Variants in LRCH1 observed in about 807,000 individuals in gnomAD.
LRCH1 encodes leucine-rich repeat and calponin homology domain-containing protein 1.
A neutral mutation model predicts 94.9 loss-of-function variants in LRCH1; 23 were observed. That is an observed-to-expected ratio of 0.24 (90% CI 0.17 to 0.34). The LOEUF is 0.34. Ranked by LOEUF, LRCH1 falls within the 10% of genes least tolerant of loss-of-function variation. The pLI is 1.00. For missense variants in LRCH1, 790 were observed against 945.9 expected, an observed-to-expected ratio of 0.84 and a Z score of 2.16; for synonymous variants, 364 against 354.9, an observed-to-expected ratio of 1.03 and a Z score of -0.29.
At chr13:46,699,074 T>C (rs1456253872) in intron 9 of LRCH1, among the ~76,000 whole-genome samples, 1 of 152,236 alleles carries the variant, frequency 6.6e-6, no homozygotes. Context: ...GTGACTGGCT[T>C]ATTGCACGTA....
chr13:46,683,913 A>G (rs1177222647), intron 4 of LRCH1, among the ~76,000 whole-genome samples: 1 of 152,072 alleles, frequency 6.6e-6, no homozygotes, highest in Non-Finnish European at 1.5e-5. Flanking sequence ...GGAGAACTCT[A>G]TTGACAAAAG....
chr13:46,639,444 ACTGT>A (rs1490729486), intron 1 of LRCH1, among the ~76,000 whole-genome samples: 3 of 152,148 alleles, frequency 2.0e-5, no homozygotes. Flanking sequence ...TATCACATAG[ACTGT>A]CTGTGGTCTG....
intron 4 of LRCH1, among the ~76,000 whole-genome samples, chr13:46,682,219 G>C (rs931601105): frequency 5.3e-5 from 8 of 151,972 alleles, no homozygotes; most frequent in African/African-American, 1.7e-4. Context: ...GTGCCAGCAG[G>C]GTTGGTTCCC....
intron 1 of LRCH1, among the ~76,000 whole-genome samples, chr13:46,635,514 A>C (rs1215834811): frequency 8.4e-6 from 1 of 119,262 alleles, no homozygotes; most frequent in Non-Finnish European, 1.6e-5. Flanking sequence ...TCTGGTGCCC[A>C]GGCCAGAGTG....
intron 14 of LRCH1, 46 bp from the exon 15 acceptor site, chr13:46,712,479 T>G (rs779136148): frequency 1.4e-6 from 2 of 1,410,566 alleles, no homozygotes; most frequent in East Asian, 2.3e-5. Flanking sequence ...GTTCTTCTGT[T>G]TTCCTTTTAT....
intron 2 of LRCH1, among the ~76,000 whole-genome samples, chr13:46,656,122 A>T (rs1316211091): frequency 6.6e-6 from 1 of 152,202 alleles, no homozygotes; most frequent in Middle Eastern, 3.2e-3. Context: ...GTATCCCCAC[A>T]TTCCTCTGGG....
chr13:46,742,411 T>G lies in LRCH1; in HGVS notation c.*563T>G. On this transcript the variant is annotated 3_prime_UTR_variant, in exon 20 of 20. Transcript: ENST00000389797. ...ACGTGTACACGTACTCACACTGCCT[T>G]GATGGCCATTCGATTGGATTCCTCC... 1.0e-6 allele frequency: 1 copy of G among 987,396 alleles called. No homozygotes were observed. The highest frequency in any genetic ancestry group is 1.7e-5 in the African/African-American group (1 of 57,366). 61.2% of individuals were successfully genotyped at this position (987,396 alleles called of 1,614,324 possible).
intron 1 of LRCH1, among the ~76,000 whole-genome samples, chr13:46,569,923 G>GC (rs932829623): frequency 6.6e-6 from 1 of 152,124 alleles, no homozygotes; most frequent in African/African-American, 2.4e-5. Flanking sequence ...CTTCTAGGAT[G>GC]CCCCAAATGC....
At chr13:46,734,580 G>A (rs1873277878) in intron 19 of LRCH1, among the ~76,000 whole-genome samples, 2 of 152,124 alleles carry the variant, frequency 1.3e-5, no homozygotes, top group South Asian at 2.1e-4. Flanking sequence ...GAGCCCAATA[G>A]GCAATTCAAT....
downstream of LRCH1, among the ~76,000 whole-genome samples, chr13:46,749,494 T>C (rs923176831): frequency 3.3e-5 from 5 of 152,316 alleles, no homozygotes; most frequent in Admixed American, 3.3e-4. Flanking sequence ...TTTTAAGTGT[T>C]CTTACCAAAA....
chr13:46,709,821 T>C (rs1034184237), intron 13 of LRCH1, among the ~76,000 whole-genome samples: 8 of 152,028 alleles, frequency 5.3e-5, no homozygotes, highest in African/African-American at 1.9e-4. Flanking sequence ...GGCAGATACA[T>C]CTCTATGATT....
chr13:46,747,422 A>G (rs1466046687), downstream of LRCH1, among the ~76,000 whole-genome samples: 2 of 152,216 alleles, frequency 1.3e-5, no homozygotes, highest in African/African-American at 4.8e-5. Context: ...ACTGCTCATC[A>G]GGCCCTGGGG....
At position 46,711,379 on chromosome 13, in the gene LRCH1, C is replaced by T. The variant is rs746995665; in HGVS notation, c.1528-412C>T. Among the ~76,000 whole-genome samples the T allele has an allele frequency of 4.6e-5, 7 of 152,052 alleles. No individual in the cohort carries two copies. In the East Asian group the frequency reaches 7.7e-4, roughly 17 times the overall value. On this transcript the variant is annotated intron_variant, in intron 13 of 19. Transcript: ENST00000389797. ...TTGCCCAGTTAATTTGGGGTCCAGA[C>T]GTGTATTTATTGAATGCTCCCAATG...
At chr13:46,650,690 A>T (rs1230223948) in intron 2 of LRCH1, among the ~76,000 whole-genome samples, 1 of 151,012 alleles carries the variant, frequency 6.6e-6, no homozygotes, top group Non-Finnish European at 1.5e-5. Flanking sequence ...AAGGAAGTGA[A>T]AAAGAGTTTG....
At chr13:46,560,700 A>G (rs1431736987) in intron 1 of LRCH1, among the ~76,000 whole-genome samples, 3 of 152,176 alleles carry the variant, frequency 2.0e-5, no homozygotes, top group Admixed American at 6.5e-5. Flanking sequence ...GAATTTTGCC[A>G]TGATATTTCA....
intron 1 of LRCH1, among the ~76,000 whole-genome samples, chr13:46,566,057 G>C (rs2050180417): frequency 6.6e-6 from 1 of 151,914 alleles, no homozygotes; most frequent in South Asian, 2.1e-4. Flanking sequence ...CCTCAGAGGA[G>C]GGCCTGGGGT....
In LRCH1 at chr13:46,744,130, A is replaced by G. The variant is rs1017991754; in HGVS notation, c.*2282A>G. ...TAAGCTTCTCTGTGGTTTTTCTCCA[A>G]GGTACCCGTGCACCAGCCCATATGC... On this transcript the variant is annotated 3_prime_UTR_variant, in exon 20 of 20. Transcript: ENST00000389797. 8 of 985,276 alleles carry G rather than the reference A, an allele frequency of 8.1e-6. No homozygotes were observed. Among genetic ancestry groups the G allele is most frequent in the Non-Finnish European group, 9.6e-6 (8 of 829,930 alleles). 61.0% of individuals were successfully genotyped at this position (985,276 alleles called of 1,614,324 possible).
Position 46,567,244 on chromosome 13 carries a change from C to A in LRCH1, c.307+13541C>A, listed in dbSNP as rs1282805463. Among the ~76,000 whole-genome samples, 4 of 152,194 alleles carry A rather than the reference C, an allele frequency of 2.6e-5. No homozygotes were observed. In the East Asian group the frequency reaches 5.8e-4, roughly 22 times the overall value. ...GACTGTTTTATTATGTAATAAGAAT[C>A]ATCAATTTGACATATAAAAATATGT... is the stretch of plus-strand genomic sequence containing the variant. On this transcript the variant is annotated intron_variant, in intron 1 of 19. Coordinates refer to ENST00000389797, the MANE Select transcript of LRCH1 (RefSeq NM_001164211.2).
At chr13:46,730,241 A>C (rs1873031864) in intron 18 of LRCH1, among the ~76,000 whole-genome samples, 1 of 152,202 alleles carries the variant, frequency 6.6e-6, no homozygotes, top group Non-Finnish European at 1.5e-5. Flanking sequence ...CCTCTCTTGA[A>C]CTTGATTTGC....
Sources: gnomAD v4.1 joint callset for allele counts (sites outside exome capture counted in the v4.1 genomes callset) on GRCh38, gnomAD v4.1.1 for gene constraint, MANE v1.5 for transcripts, NCBI Gene and HGNC (gene_info 2026-07-23, HGNC 2026-07-21) for gene names.